PGM2L1: variants seen among roughly 807,000 people sequenced by gnomAD.
PGM2L1 encodes the protein glucose 1,6-bisphosphate synthase.
Under a neutral mutation model 73.4 loss-of-function variants are expected in PGM2L1, and 35 were observed. The ratio of observed to expected loss-of-function variants is 0.48; its 90% CI spans 0.36 to 0.63. The LOEUF is 0.63. Among genes scored for constraint, PGM2L1 ranks in the 30% least tolerant of loss-of-function variants. PGM2L1 has a pLI of 0.00. For missense variants in PGM2L1, 570 were observed against 742.0 expected (o/e 0.77, Z 2.69); for synonymous variants, 225 against 253.8 (o/e 0.89, Z 1.08).
intron 1 of PGM2L1, among the ~76,000 whole-genome samples, chr11:74,396,123 G>C (rs1863172551): frequency 6.6e-6 from 1 of 151,788 alleles, no homozygotes; most frequent in South Asian, 2.1e-4. Context: ...GCCGGGCGTG[G>C]TGGCATGTGC....
intron 1 of PGM2L1, among the ~76,000 whole-genome samples, chr11:74,382,783 GCCACCGCA>G (rs1323260103): frequency 6.6e-6 from 1 of 152,170 alleles, no homozygotes; most frequent in Non-Finnish European, 1.5e-5. Flanking sequence ...ACAGGCATGA[GCCACCGCA>G]CCTGCTTTGT....
intron 13 of PGM2L1, among the ~76,000 whole-genome samples, chr11:74,338,101 T>C (rs960965940): frequency 2.0e-5 from 3 of 152,210 alleles, no homozygotes; most frequent in Non-Finnish European, 4.4e-5. Flanking sequence ...AATAAATTCA[T>C]GCTACAACTG....
chr11:74,358,291 G>T (rs1483960453), intron 5 of PGM2L1, among the ~76,000 whole-genome samples: 1 of 152,124 alleles, frequency 6.6e-6, no homozygotes, highest in African/African-American at 2.4e-5. Flanking sequence ...ACTGAATTTT[G>T]CTGTGAATCT....
intron 1 of PGM2L1, among the ~76,000 whole-genome samples, chr11:74,382,273 G>A (rs1201269100): frequency 6.6e-6 from 1 of 152,156 alleles, no homozygotes; most frequent in Non-Finnish European, 1.5e-5. Flanking sequence ...CCTGCTGTAG[G>A]CTTGTCTATC....
At chr11:74,348,953 T>C (rs17132965) in intron 6 of PGM2L1, among the ~76,000 whole-genome samples, 6,188 of 152,302 alleles carry the variant, frequency 0.041, 256 homozygotes, top group African/African-American at 0.11. Flanking sequence ...CTACTTTTAA[T>C]GCTGTCAAAC....
In PGM2L1 at chr11:74,336,641, T is replaced by C. The variant is rs948088318; in HGVS notation, c.*11A>G. The stretch of plus-strand genomic sequence containing the variant: ...TATGCCCACACAGTGTCATGACATA[T>C]TGGTGTACCCCTAAACAGAACGCCA... On this transcript the variant is annotated 3_prime_UTR_variant, in exon 14 of 14. Transcript: ENST00000298198. 1 of 1,568,816 alleles carries C rather than the reference T, an allele frequency of 6.4e-7. No homozygotes were observed. The highest frequency in any genetic ancestry group is 8.7e-7 in the Non-Finnish European group (1 of 1,145,862).
rs566924671 is a variant in PGM2L1 at position 74,364,539 on chromosome 11, G to C, written c.555+3953C>G. ...AGTCTCAGGATACAAAATCAATGTGGAAAAATCACAAGCATTCTTATACAC... is the reference window on the plus strand; with the variant it reads ...AGTCTCAGGATACAAAATCAATGTGCAAAAATCACAAGCATTCTTATACAC... On this transcript the variant is annotated intron_variant, in intron 5 of 13. Coordinates refer to ENST00000298198, the MANE Select transcript of PGM2L1 (RefSeq NM_173582.6). 2.5e-3 allele frequency among the ~76,000 whole-genome samples: 387 copies of C among 152,126 alleles called. 3 individuals are homozygous for C. Among genetic ancestry groups the C allele is most frequent in the African/African-American group, 2.1e-3 (89 of 41,522 alleles).
chr11:74,388,162 A>G (rs963255518), intron 1 of PGM2L1, among the ~76,000 whole-genome samples: 2 of 152,132 alleles, frequency 1.3e-5, no homozygotes, highest in African/African-American at 2.4e-5. Context: ...GGGAAGGAGG[A>G]ATGGAGAGTT....
At chr11:74,363,848 C>T (rs910248010) in intron 5 of PGM2L1, among the ~76,000 whole-genome samples, 2 of 152,176 alleles carry the variant, frequency 1.3e-5, no homozygotes, top group Admixed American at 6.5e-5. Context: ...GGGAATCCTC[C>T]CTAACTCATT....
intron 5 of PGM2L1, among the ~76,000 whole-genome samples, chr11:74,353,162 A>G (rs969481678): frequency 7.7e-6 from 1 of 129,882 alleles, no homozygotes; most frequent in East Asian, 2.4e-4. Flanking sequence ...TAAAACAAAC[A>G]AAAAACCCAG....
intron 5 of PGM2L1, among the ~76,000 whole-genome samples, chr11:74,351,940 C>T (rs914466560): frequency 1.3e-5 from 2 of 148,428 alleles, no homozygotes; most frequent in Non-Finnish European, 3.0e-5. Context: ...CCAGCCTGAG[C>T]TACAGAGCGA....
At chr11:74,386,072 A>G (rs779891370) in intron 1 of PGM2L1, among the ~76,000 whole-genome samples, 2 of 152,200 alleles carry the variant, frequency 1.3e-5, no homozygotes, top group Non-Finnish European at 2.9e-5. Context: ...AATTATAATT[A>G]TGTTCTACGT....
chr11:74,349,907 A>G (rs1472911649), intron 6 of PGM2L1, among the ~76,000 whole-genome samples: 1 of 152,136 alleles, frequency 6.6e-6, no homozygotes, highest in Non-Finnish European at 1.5e-5. Context: ...ATCAAATAAA[A>G]TTTGAGGTTT....
intron 1 of PGM2L1, among the ~76,000 whole-genome samples, chr11:74,395,282 A>G (rs187938174): frequency 2.6e-5 from 4 of 152,014 alleles, no homozygotes; most frequent in Admixed American, 2.0e-4. Flanking sequence ...TCATCTTTCT[A>G]TCTCTCACAG....
rs1197552476 is a variant in PGM2L1, at chr11:74,346,759, CT to C, written c.1009del (p.Arg337AspfsTer43). 1 of 1,614,026 alleles carries C rather than the reference CT, an allele frequency of 6.2e-7. No homozygotes were observed. The highest frequency in any genetic ancestry group is 1.7e-5 in the Admixed American group (1 of 60,026). ...VVLATDPDAD[R>X]LAAAELQENG... ...CTCCTGAAGTTCTGCTGCTGCCAGTCTGTCTGCATCAGGATCTGTGGCTAGC... is the reference window on the plus strand; with the variant it reads ...CTCCTGAAGTTCTGCTGCTGCCAGTCGTCTGCATCAGGATCTGTGGCTAGC... On this transcript the variant is annotated frameshift_variant, in exon 8 of 14. Coordinates refer to ENST00000298198, the MANE Select transcript of PGM2L1 (RefSeq NM_173582.6). LOFTEE classifies it high-confidence loss of function.
At chr11:74,358,902 A>C (rs974141922) in intron 5 of PGM2L1, among the ~76,000 whole-genome samples, 1 of 152,152 alleles carries the variant, frequency 6.6e-6, no homozygotes, top group African/African-American at 2.4e-5. Flanking sequence ...AAACAAAAAC[A>C]AAAACAAAAA....
chr11:74,391,240 T>C (rs1027852845), intron 1 of PGM2L1, among the ~76,000 whole-genome samples: 2 of 145,052 alleles, frequency 1.4e-5, no homozygotes, highest in Admixed American at 6.9e-5. Flanking sequence ...TTTTCTGTTC[T>C]TTTTTTTTTT....
chr11:74,378,723 G>T (rs1474250180), intron 1 of PGM2L1, among the ~76,000 whole-genome samples: 1 of 151,950 alleles, frequency 6.6e-6, no homozygotes, highest in Non-Finnish European at 1.5e-5. Context: ...TTTCTATATT[G>T]TAGAACCATA....
chr11:74,339,873 C>G (rs1862157967), intron 12 of PGM2L1, among the ~76,000 whole-genome samples: 2 of 152,212 alleles, frequency 1.3e-5, no homozygotes, highest in African/African-American at 4.8e-5. Flanking sequence ...CTGGCCAACT[C>G]CTAATCATAC....
Sources: allele counts gnomAD v4.1 joint callset (sites outside exome capture counted in the v4.1 genomes callset), GRCh38; gene constraint gnomAD v4.1.1; transcripts MANE v1.5; gene names NCBI Gene and HGNC (gene_info 2026-07-23, HGNC 2026-07-21).